C12orf42: variants seen among roughly 807,000 people sequenced by gnomAD.
C12orf42 encodes chromosome 12 open reading frame 42.
In C12orf42, 25 loss-of-function variants were observed where a neutral mutation model predicts 21.6. That is an observed-to-expected ratio of 1.16 (90% CI 0.84 to 1.62). The LOEUF (loss-of-function observed/expected upper bound fraction) is 1.62. Ranked by LOEUF, C12orf42 falls within the 40% of genes most tolerant of loss-of-function variation. The pLI is 0.00. For synonymous variants in C12orf42, 174 were observed against 175.0 expected (o/e 0.99, Z 0.05); for missense variants, 483 against 459.3 (o/e 1.05, Z -0.47).
At chr12:103,540,487 G>A in the C12orf42 span, among the ~76,000 whole-genome samples, 3 of 152,258 alleles carry the variant, frequency 2.0e-5, no homozygotes, top group African/African-American at 4.8e-5. Flanking sequence ...GTTGCTAGGC[G>A]AATACACCTT....
chr12:103,220,619 A>G, the C12orf42 span, among the ~76,000 whole-genome samples: 1 of 152,190 alleles, frequency 6.6e-6, no homozygotes, highest in Admixed American at 6.5e-5. Context: ...CCAGATTTGA[A>G]TAATTTAAAG....
the C12orf42 span, among the ~76,000 whole-genome samples, chr12:103,217,512 C>G: frequency 6.2e-4 from 87 of 140,770 alleles, no homozygotes; most frequent in Non-Finnish European, 2.0e-4. Context: ...TTAGGGGTGA[C>G]AGAGTGAGAC....
At chr12:103,165,189 C>A in the C12orf42 span, among the ~76,000 whole-genome samples, 1 of 152,180 alleles carries the variant, frequency 6.6e-6, no homozygotes, top group Non-Finnish European at 1.5e-5. Flanking sequence ...TGGACAATGA[C>A]CTGCATTGGC....
chr12:103,435,295 T>TG (rs1193951303), intron 2 of C12orf42, among the ~76,000 whole-genome samples: 7 of 151,874 alleles, frequency 4.6e-5, no homozygotes, highest in Non-Finnish European at 7.4e-5. Context: ...ACCACAAAGA[T>TG]GGGGAAAAAA....
Position 103,302,527 on chromosome 12 carries a change from G to A in C12orf42, c.664C>T (p.Leu222Phe), listed in dbSNP as rs1258171980. Residue 222 changes from leucine to phenylalanine, a missense_variant, in exon 6 of 6, where the codon CTC becomes TTC. Coordinates refer to ENST00000548883, the MANE Select transcript of C12orf42 (RefSeq NM_198521.5). ...SAARPSTAIG[L>F]CRRSQTPGAL... ...CCGGGCGTCTGGCTCCTCCTGCAGA[G>A]GCCGATGGCAGTGGAAGGTCTGGCG... 6.2e-7 allele frequency: 1 copy of A among 1,611,004 alleles called. No individual in the cohort carries two copies. The highest frequency in any genetic ancestry group is 2.2e-5 in the East Asian group (1 of 44,802).
intron 2 of C12orf42, among the ~76,000 whole-genome samples, chr12:103,436,878 T>A (rs972865594): frequency 3.4e-5 from 5 of 148,688 alleles, no homozygotes; most frequent in African/African-American, 1.2e-4. Flanking sequence ...TACCCAGGAA[T>A]TGAACTCAGC....
At chr12:103,510,971 C>T in the C12orf42 span, among the ~76,000 whole-genome samples, 1 of 152,184 alleles carries the variant, frequency 6.6e-6, no homozygotes, top group Non-Finnish European at 1.5e-5. Context: ...CATTGTGTGG[C>T]CATATTGGCA....
the C12orf42 span, among the ~76,000 whole-genome samples, chr12:103,095,637 G>C: frequency 7.1e-3 from 1,078 of 152,242 alleles, 7 homozygotes; most frequent in Non-Finnish European, 0.012. Context: ...TTTATTATGA[G>C]AATTTTATTT....
chr12:103,425,933 G>A (rs552612027), intron 2 of C12orf42, among the ~76,000 whole-genome samples: 3 of 152,208 alleles, frequency 2.0e-5, no homozygotes, highest in South Asian at 2.1e-4. Context: ...AAAAAAGGAC[G>A]TCCACACAAA....
chr12:103,112,030 G>A, the C12orf42 span, among the ~76,000 whole-genome samples: 1 of 152,098 alleles, frequency 6.6e-6, no homozygotes. Context: ...TTTAGTCTGT[G>A]GTCTTATCTG....
At chr12:103,054,478 T>G in the C12orf42 span, among the ~76,000 whole-genome samples, 1 of 151,854 alleles carries the variant, frequency 6.6e-6, no homozygotes, top group Admixed American at 6.6e-5. Context: ...AGAGGCTTTT[T>G]TTTGCACATT....
chr12:103,389,086 C>T (rs1045783799), intron 3 of C12orf42, among the ~76,000 whole-genome samples: 2 of 152,194 alleles, frequency 1.3e-5, no homozygotes, highest in African/African-American at 4.8e-5. Context: ...GGGAATGTTC[C>T]ATCATCCCCA....
intron 3 of C12orf42, among the ~76,000 whole-genome samples, chr12:103,400,885 CA>C (rs1335095349): frequency 6.6e-6 from 1 of 152,130 alleles, no homozygotes; most frequent in Non-Finnish European, 1.5e-5. Context: ...GAGGAAGTTG[CA>C]ATTCCCTTCA....
intron 4 of C12orf42, among the ~76,000 whole-genome samples, chr12:103,329,934 T>C (rs150994989): frequency 6.1e-4 from 93 of 152,142 alleles, no homozygotes; most frequent in East Asian, 4.0e-3. Context: ...ATTATAACTA[T>C]AATAATACAG....
At chr12:103,147,623 C>T in the C12orf42 span, among the ~76,000 whole-genome samples, 34 of 99,266 alleles carry the variant, frequency 3.4e-4, no homozygotes, top group South Asian at 1.7e-3. Flanking sequence ...TTCTCTCTCT[C>T]TTTTTTTTTT....
the C12orf42 span, among the ~76,000 whole-genome samples, chr12:103,518,365 A>G: frequency 6.6e-6 from 1 of 152,090 alleles, no homozygotes; most frequent in Admixed American, 6.6e-5. Context: ...CACTACCACC[A>G]CCATTCAGCA....
At chr12:103,508,515 C>T in the C12orf42 span, among the ~76,000 whole-genome samples, 3 of 152,178 alleles carry the variant, frequency 2.0e-5, no homozygotes, top group African/African-American at 7.2e-5. Context: ...AAATGCAATT[C>T]AGTCAATATA....
At chr12:103,133,210 G>A in the C12orf42 span, among the ~76,000 whole-genome samples, 1 of 152,040 alleles carries the variant, frequency 6.6e-6, no homozygotes, top group African/African-American at 2.4e-5. Flanking sequence ...AAGGGCCTAG[G>A]GACTGGCCTG....
At chr12:103,439,625 G>A (rs1302597239) in intron 2 of C12orf42, among the ~76,000 whole-genome samples, 2 of 149,252 alleles carry the variant, frequency 1.3e-5, no homozygotes, top group East Asian at 2.0e-4. Context: ...CTCAAAAGAA[G>A]ACATTTATGC....
Sources: allele counts gnomAD v4.1 joint callset (sites outside exome capture counted in the v4.1 genomes callset), GRCh38; gene constraint gnomAD v4.1.1; transcripts MANE v1.5; gene names NCBI Gene and HGNC (gene_info 2026-07-23, HGNC 2026-07-21).